The following KRAS variants were observed in gnomAD, a reference collection of about 807,000 sequenced individuals.
The protein encoded by KRAS is GTPase KRas.
In KRAS, 1 loss-of-function variant was observed where a neutral mutation model predicts 21.0. That is an observed-to-expected ratio of 0.05 (90% CI 0.02 to 0.23). The LOEUF is 0.23. Among genes scored for constraint, KRAS ranks in the 10% least tolerant of loss-of-function variants. The probability of loss-of-function intolerance (pLI) is 1.00; values close to 1 mark genes in which losing one functional copy is unlikely to be tolerated. For synonymous variants in KRAS, 67 were observed against 72.5 expected, an observed-to-expected ratio of 0.92 and a Z score of 0.39; for missense variants, 107 against 221.8, an observed-to-expected ratio of 0.48 and a Z score of 3.29.
chr12:25,245,770 C>A (rs1255829522), intron 1 of KRAS, among the ~76,000 whole-genome samples: 1 of 152,208 alleles, frequency 6.6e-6, no homozygotes, highest in African/African-American at 2.4e-5. Flanking sequence ...GTGCTCTACA[C>A]CCTGTAGCAC....
intron 1 of KRAS, among the ~76,000 whole-genome samples, chr12:25,248,390 T>C (rs940520573): frequency 1.3e-5 from 2 of 151,948 alleles, no homozygotes; most frequent in African/African-American, 2.4e-5. Flanking sequence ...TCGGAGGTAG[T>C]AGCGGGCCGA....
intron 4 of KRAS, among the ~76,000 whole-genome samples, chr12:25,217,339 A>T (rs1951267048): frequency 6.6e-6 from 1 of 152,208 alleles, no homozygotes. Context: ...GCTTTAGTAA[A>T]GTACAGAAAT....
Position 25,208,391 on chromosome 12 carries a change from A to G in KRAS, c.*1404T>C, listed in dbSNP as rs963799690. 4 of 232,968 alleles carry G rather than the reference A, an allele frequency of 1.7e-5. No homozygotes were observed. The highest frequency in any genetic ancestry group is 8.8e-5 in the African/African-American group (4 of 45,298). 14.4% of individuals were successfully genotyped at this position (232,968 alleles called of 1,614,324 possible). On this transcript the variant is annotated 3_prime_UTR_variant, in exon 5 of 5. Coordinates refer to ENST00000311936, the MANE Select transcript of KRAS (RefSeq NM_004985.5). ...AAAGGATTGTTTTTATTTTTATTTT[A>G]AAGCATTATTAAATATGGATCAGAC...
intron 2 of KRAS, among the ~76,000 whole-genome samples, chr12:25,236,445 C>T (rs1474983801): frequency 6.6e-6 from 1 of 152,058 alleles, no homozygotes; most frequent in Non-Finnish European, 1.5e-5. Flanking sequence ...TGATAAACCC[C>T]AAATCTTCCC....
intron 4 of KRAS, chr12:25,215,395 A>T (rs761405098): frequency 1.9e-6 from 3 of 1,611,544 alleles, no homozygotes; most frequent in Non-Finnish European, 2.5e-6. Context: ...TTTAAAAGAC[A>T]TCTGCTTTCT....
chr12:25,238,741 T>C (rs1951573453), intron 2 of KRAS, among the ~76,000 whole-genome samples: 1 of 152,244 alleles, frequency 6.6e-6, no homozygotes, highest in Non-Finnish European at 1.5e-5. Flanking sequence ...ATCTACCTAA[T>C]ATTTCCAACA....
Position 25,235,245 on chromosome 12 carries a change from A to C in KRAS, c.112-7833T>G, listed in dbSNP as rs1046518177. 3 of 562,598 alleles carry C rather than the reference A, an allele frequency of 5.3e-6. No individual in the cohort carries two copies. In the African/African-American group the frequency reaches 5.5e-5, roughly 10 times the overall value. 34.9% of individuals were successfully genotyped at this position (562,598 alleles called of 1,614,324 possible). On this transcript the variant is annotated intron_variant, in intron 2 of 4. Coordinates refer to ENST00000311936, the MANE Select transcript of KRAS (RefSeq NM_004985.5). ...ATAACACCTGTAGGAAAAGATGAGAAACTTTTACTCAATTAATGCTCAAGT... is the reference window on the plus strand; with the variant it reads ...ATAACACCTGTAGGAAAAGATGAGACACTTTTACTCAATTAATGCTCAAGT...
chr12:25,235,040 AT>A (rs1951526758), intron 2 of KRAS: 1 of 369,132 alleles, frequency 2.7e-6, no homozygotes, highest in Admixed American at 4.4e-5. Flanking sequence ...TGTCATAAGC[AT>A]ATTACAAACA....
intron 3 of KRAS, 138 bp from the exon 4 acceptor site, chr12:25,225,911 CCTT>C (rs1415602077): frequency 1.4e-6 from 1 of 716,438 alleles, no homozygotes; most frequent in Non-Finnish European, 2.3e-6. Flanking sequence ...AATTTTCCTT[CCTT>C]CTTCTACTAG....
Position 25,206,672 on chromosome 12 carries a change from C to T in KRAS, c.*3123G>A. 9.9e-6 allele frequency: 2 copies of T among 201,458 alleles called. No homozygotes were observed. Among genetic ancestry groups the T allele is most frequent in the Non-Finnish European group, 1.0e-5 (1 of 97,992 alleles). 12.5% of individuals were successfully genotyped at this position (201,458 alleles called of 1,614,324 possible). On this transcript the variant is annotated 3_prime_UTR_variant, in exon 5 of 5. Transcript: ENST00000311936. Reference sequence around the variant, plus strand: ...GTACTGTGTAAGTCTTAACACCCTACCTAAACAGTGTTCCAAAGATCTGTA... The same window carrying T: ...GTACTGTGTAAGTCTTAACACCCTATCTAAACAGTGTTCCAAAGATCTGTA...
chr12:25,233,710 G>T (rs997086023), intron 2 of KRAS: 1 of 210,354 alleles, frequency 4.8e-6, no homozygotes, highest in African/African-American at 2.3e-5. Flanking sequence ...TTTAAACTCC[G>T]TGTTGGTAGG....
Position 25,217,542 on chromosome 12 carries a change from T to C in KRAS, c.451-7631A>G, listed in dbSNP as rs1189955761. Among the ~76,000 whole-genome samples, 4 of 152,202 alleles carry C rather than the reference T, an allele frequency of 2.6e-5. No individual in the cohort carries two copies. The South Asian group carries it at 8.3e-4, about 31-fold the overall frequency. On this transcript the variant is annotated intron_variant, in intron 4 of 4. Coordinates refer to ENST00000311936, the MANE Select transcript of KRAS (RefSeq NM_004985.5). ...AAGAGCAGTCTTATCTTATTTTTAATGGAATCAATTTAGTTAACTAGTTAG... is the reference window on the plus strand; with the variant it reads ...AAGAGCAGTCTTATCTTATTTTTAACGGAATCAATTTAGTTAACTAGTTAG...
intron 2 of KRAS, among the ~76,000 whole-genome samples, chr12:25,230,792 T>C (rs1031128121): frequency 5.3e-5 from 6 of 112,484 alleles, no homozygotes; most frequent in Non-Finnish European, 8.3e-5. Context: ...CCATCTGTAA[T>C]AAAAATTAAT....
chr12:25,221,616 TACCAC>T (rs1329685105), intron 4 of KRAS, among the ~76,000 whole-genome samples: 1 of 152,174 alleles, frequency 6.6e-6, no homozygotes, highest in African/African-American at 2.4e-5. Context: ...ATGCAACAGA[TACCAC>T]TTGTGGCCCT....
chr12:25,246,515 G>A (rs991308368), intron 1 of KRAS, among the ~76,000 whole-genome samples: 1 of 152,178 alleles, frequency 6.6e-6, no homozygotes, highest in Non-Finnish European at 1.5e-5. Context: ...CCCAGATCAC[G>A]CCACTGCACT....
intron 2 of KRAS, among the ~76,000 whole-genome samples, chr12:25,243,391 CAA>C (rs370289590): frequency 9.0e-4 from 137 of 152,302 alleles, no homozygotes; most frequent in African/African-American, 3.2e-3. Flanking sequence ...TTCCCAGAGT[CAA>C]GTCTTCTGGT....
chr12:25,238,873 A>G (rs1411630973), intron 2 of KRAS, among the ~76,000 whole-genome samples: 1 of 152,208 alleles, frequency 6.6e-6, no homozygotes, highest in Non-Finnish European at 1.5e-5. Context: ...ATTCTTATAT[A>G]TACATCTTAA....
At chr12:25,218,755 A>C (rs1270267762) in intron 4 of KRAS, among the ~76,000 whole-genome samples, 1 of 152,176 alleles carries the variant, frequency 6.6e-6, no homozygotes, top group Non-Finnish European at 1.5e-5. Flanking sequence ...ACAAAACACT[A>C]GTTTTTCACA....
chr12:25,210,375 AC>A (rs1250690828), intron 4 of KRAS, among the ~76,000 whole-genome samples: 6 of 152,182 alleles, frequency 3.9e-5, no homozygotes, highest in Admixed American at 2.0e-4. Flanking sequence ...TTCTATACTT[AC>A]GTAAAATCCA....
Sources: gnomAD v4.1 joint callset for allele counts (sites outside exome capture counted in the v4.1 genomes callset) on GRCh38, gnomAD v4.1.1 for gene constraint, MANE v1.5 for transcripts, NCBI Gene and HGNC (gene_info 2026-07-23, HGNC 2026-07-21) for gene names.